DIAPH2: variants seen among roughly 807,000 people sequenced by gnomAD.
DIAPH2 encodes the protein diaphanous related formin 2, also known as protein diaphanous homolog 2.
In DIAPH2, 35 loss-of-function variants were observed where a neutral mutation model predicts 92.7. The observed-to-expected ratio is 0.38, with a 90% CI of 0.29 to 0.50. The LOEUF (loss-of-function observed/expected upper bound fraction) is 0.50. Among genes scored for constraint, DIAPH2 ranks in the 20% least tolerant of loss-of-function variants. The probability of loss-of-function intolerance (pLI) is 0.94; values close to 1 mark genes in which losing one functional copy is unlikely to be tolerated. For missense variants in DIAPH2, 701 were observed against 819.5 expected (o/e 0.86, Z 1.77); for synonymous variants, 301 against 280.4 (o/e 1.07, Z -0.73).
chrX:97,321,348 C>T (rs374493782), intron 23 of DIAPH2, among the ~76,000 whole-genome samples: 8 of 110,101 alleles, frequency 7.3e-5, no homozygotes, highest in South Asian at 7.8e-4. Flanking sequence ...TACCCCTTAA[C>T]GCACAACAAA....
intron 22 of DIAPH2, among the ~76,000 whole-genome samples, chrX:97,240,718 G>A (rs1382073955): frequency 1.8e-5 from 2 of 110,947 alleles, no homozygotes; most frequent in African/African-American, 3.3e-5. Context: ...TGTTTAATTC[G>A]TGGTAGCATG....
intron 23 of DIAPH2, among the ~76,000 whole-genome samples, chrX:97,328,421 A>T (rs1447282480): frequency 9.0e-6 from 1 of 111,569 alleles, no homozygotes; most frequent in African/African-American, 3.3e-5. Flanking sequence ...ATACAGAGTG[A>T]GACTCTGTAT....
intron 4 of DIAPH2, among the ~76,000 whole-genome samples, chrX:96,789,189 CTT>C (rs1340093942): frequency 1.8e-5 from 2 of 112,038 alleles, no homozygotes; most frequent in Non-Finnish European, 3.8e-5. Context: ...ATAGAACACT[CTT>C]TTCCTTCAGC....
intron 4 of DIAPH2, among the ~76,000 whole-genome samples, chrX:96,806,834 G>A (rs185746516): frequency 9.5e-6 from 1 of 105,442 alleles, no homozygotes; most frequent in African/African-American, 3.4e-5. Context: ...TCCGCCTCCC[G>A]GGTTCACGCC....
chrX:97,431,986 A>G (rs1357007540), intron 26 of DIAPH2, among the ~76,000 whole-genome samples: 1 of 111,647 alleles, frequency 9.0e-6, no homozygotes, highest in Admixed American at 9.6e-5. Flanking sequence ...GATCCCATTG[A>G]CTTGGTATTG....
chrX:97,196,355 C>G (rs1666523440), intron 22 of DIAPH2, among the ~76,000 whole-genome samples: 2 of 112,099 alleles, frequency 1.8e-5, no homozygotes, highest in Middle Eastern at 4.6e-3. Flanking sequence ...CATGTTACTG[C>G]CTTCTTATCT....
intron 22 of DIAPH2, among the ~76,000 whole-genome samples, chrX:97,185,397 A>ATATATATATATGTATATATATATGTG (rs1569323122): frequency 7.3e-4 from 4 of 5,500 alleles, no homozygotes; most frequent in Non-Finnish European, 1.2e-3. Context: ...ATATATGTGT[A>ATATATATATATGTATATATATATGTG]TATATATATA....
chrX:96,739,129 T>C (rs970503011), intron 3 of DIAPH2, among the ~76,000 whole-genome samples: 8 of 111,493 alleles, frequency 7.2e-5, no homozygotes, highest in African/African-American at 2.6e-4. Flanking sequence ...ACAAGGTCTC[T>C]TGTTGGGTAT....
intron 22 of DIAPH2, among the ~76,000 whole-genome samples, chrX:97,170,576 G>C (rs1471329810): frequency 9.0e-6 from 1 of 111,632 alleles, no homozygotes; most frequent in Non-Finnish European, 1.9e-5. Flanking sequence ...AGATTGAAGA[G>C]AGAAGGGAGG....
intron 3 of DIAPH2, among the ~76,000 whole-genome samples, chrX:96,754,923 C>CAA (rs1007573600): frequency 0.031 from 495 of 15,996 alleles, 45 homozygotes; most frequent in Middle Eastern, 0.077. Context: ...GTCTCCACCT[C>CAA]AAAAAAAAAA....
At chrX:97,504,647 T>A (rs1042251961) in intron 26 of DIAPH2, among the ~76,000 whole-genome samples, 2 of 112,222 alleles carry the variant, frequency 1.8e-5, no homozygotes, top group Non-Finnish European at 3.8e-5. Flanking sequence ...GTGAAGCAGA[T>A]CCTGTACTTA....
intron 26 of DIAPH2, among the ~76,000 whole-genome samples, chrX:97,434,025 T>C (rs1255783429): frequency 1.8e-5 from 2 of 111,802 alleles, no homozygotes; most frequent in Non-Finnish European, 3.8e-5. Context: ...AAAAGAAATG[T>C]CATTAAGAAA....
intron 16 of DIAPH2, among the ~76,000 whole-genome samples, chrX:96,960,881 T>C (rs2065842830): frequency 8.9e-6 from 1 of 112,391 alleles, no homozygotes; most frequent in Non-Finnish European, 1.9e-5. Context: ...TTTCATTCTT[T>C]TGCTGTGATG....
chrX:97,556,315 T>C (rs1418882734), intron 26 of DIAPH2, among the ~76,000 whole-genome samples: 2 of 112,270 alleles, frequency 1.8e-5, no homozygotes, highest in African/African-American at 6.5e-5. Flanking sequence ...AAGTTGTTCA[T>C]CATCCATTTA....
intron 22 of DIAPH2, among the ~76,000 whole-genome samples, chrX:97,186,064 T>C (rs973306096): frequency 9.0e-6 from 1 of 111,356 alleles, no homozygotes; most frequent in East Asian, 2.8e-4. Context: ...CCCGGACCTA[T>C]ATAAATGATT....
intron 4 of DIAPH2, among the ~76,000 whole-genome samples, chrX:96,871,457 G>T (rs1220564808): frequency 1.3e-5 from 1 of 75,842 alleles, no homozygotes; most frequent in African/African-American, 5.7e-5. Flanking sequence ...GCGACAGAGC[G>T]AGACTCCGTC....
intron 25 of DIAPH2, among the ~76,000 whole-genome samples, chrX:97,412,896 A>T (rs973360627): frequency 8.9e-6 from 1 of 112,213 alleles, no homozygotes; most frequent in Non-Finnish European, 1.9e-5. Context: ...AGGCTCTGAA[A>T]TTGAGGCAAT....
intron 24 of DIAPH2, among the ~76,000 whole-genome samples, chrX:97,380,133 A>G (rs191839846): frequency 9.0e-6 from 1 of 111,023 alleles, no homozygotes; most frequent in African/African-American, 3.3e-5. Context: ...AATATTTCGT[A>G]GTAAATCCTA....
chrX:97,185,493 A>G (rs1414184067), intron 22 of DIAPH2, among the ~76,000 whole-genome samples: 5 of 44,235 alleles, frequency 1.1e-4, no homozygotes, highest in African/African-American at 7.3e-4. Context: ...ATATATATAT[A>G]TATATATATA....
Sources: allele counts gnomAD v4.1 joint callset (sites outside exome capture counted in the v4.1 genomes callset), GRCh38; gene constraint gnomAD v4.1.1; transcripts MANE v1.5; gene names NCBI Gene and HGNC (gene_info 2026-07-23, HGNC 2026-07-21).